PARG: variants seen among roughly 807,000 people sequenced by gnomAD.
The protein encoded by PARG is poly(ADP-ribose) glycohydrolase, also known as mitochondrial poly(ADP-ribose) glycohydrolase.
PARG carries 35 observed loss-of-function variants against 113.0 expected under a neutral mutation model. The ratio of observed to expected loss-of-function variants is 0.31; its 90% CI spans 0.24 to 0.41. The LOEUF is 0.41. Among genes scored for constraint, PARG ranks in the 10% least tolerant of loss-of-function variants. The pLI, the probability that PARG is intolerant of heterozygous loss-of-function variation, is 1.00. For synonymous variants in PARG, 330 were observed against 409.9 expected (o/e 0.81, Z 2.36); for missense variants, 797 against 1,169.4 (o/e 0.68, Z 4.64).
rs1432873745 is a variant in PARG at position 49,857,224 on chromosome 10, A to G, written c.2353+82T>C. 6 of 620,516 alleles carry G rather than the reference A, an allele frequency of 9.7e-6. No homozygotes were observed. In the African/African-American group the frequency reaches 1.1e-4, roughly 12 times the overall value. 38.4% of individuals were successfully genotyped at this position (620,516 alleles called of 1,614,324 possible). A position where few individuals can be genotyped will look rare whatever the true frequency, so the allele number is the denominator to read the frequency against. On this transcript the variant is annotated intron_variant, in intron 13 of 17. Transcript: ENST00000616448. ...CTGATGCCCATGGAAGATAAAAGCT[A>G]TACTGGGTAGTCTCTAGTCTTCATG...
intron 6 of PARG, among the ~76,000 whole-genome samples, chr10:49,920,497 T>TATAC (rs1420781831): frequency 7.8e-5 from 5 of 63,722 alleles, no homozygotes; most frequent in Non-Finnish European, 1.6e-4. Context: ...TATATATATA[T>TATAC]ACACACACAC....
chr10:49,862,861 T>G (rs183233015), intron 11 of PARG, among the ~76,000 whole-genome samples: 191 of 151,552 alleles, frequency 1.3e-3, no homozygotes, highest in African/African-American at 4.6e-3. Context: ...TGGTCCTACT[T>G]TCCTAGCCAT....
intron 10 of PARG, among the ~76,000 whole-genome samples, chr10:49,868,235 C>A (rs1296243783): frequency 6.6e-6 from 1 of 152,208 alleles, no homozygotes; most frequent in Non-Finnish European, 1.5e-5. Context: ...GATCCACCCA[C>A]CTTGGCCTCC....
chr10:49,860,003 G>A (rs1288773388), intron 12 of PARG, among the ~76,000 whole-genome samples: 3 of 152,114 alleles, frequency 2.0e-5, no homozygotes, highest in African/African-American at 7.2e-5. Context: ...TTGATGAAAA[G>A]ACAGGAATGA....
At position 49,865,448 on chromosome 10, in the gene PARG, C is replaced by A. The variant is rs1230580182; in HGVS notation, c.2069-67G>T. ...CAATTTTGAAAAGATTATACACACA[C>A]ACACACACACACACACACACACACA... On this transcript the variant is annotated intron_variant, in intron 10 of 17. Coordinates refer to ENST00000616448, the MANE Select transcript of PARG (RefSeq NM_003631.5). 2.1e-5 allele frequency: 10 copies of A among 479,718 alleles called. 1 individual carries two copies. The highest frequency in any genetic ancestry group is 3.5e-5 in the Non-Finnish European group (9 of 260,398). 29.7% of individuals were successfully genotyped at this position (479,718 alleles called of 1,614,324 possible). A position where few individuals can be genotyped will look rare whatever the true frequency, so the allele number is the denominator to read the frequency against.
At chr10:49,925,147 T>C (rs1333387834) in intron 4 of PARG, among the ~76,000 whole-genome samples, 2 of 151,890 alleles carry the variant, frequency 1.3e-5, no homozygotes, top group Non-Finnish European at 2.9e-5. Flanking sequence ...CATGGAAAAA[T>C]GGTCTTCCAT....
chr10:49,823,978 T>C (rs1844231293), intron 16 of PARG, among the ~76,000 whole-genome samples: 2 of 152,218 alleles, frequency 1.3e-5, no homozygotes, highest in South Asian at 2.1e-4. Context: ...TAGTTAGGAC[T>C]GGCAGGCAGG....
At chr10:49,827,108 C>A (rs1209607660) in intron 16 of PARG, among the ~76,000 whole-genome samples, 6 of 152,156 alleles carry the variant, frequency 3.9e-5, no homozygotes, top group Admixed American at 1.3e-4. Context: ...CAGAACTTTT[C>A]TGGTGGAAGG....
chr10:49,925,897 T>C (rs561647526), intron 4 of PARG, among the ~76,000 whole-genome samples: 15 of 152,274 alleles, frequency 9.9e-5, no homozygotes, highest in Non-Finnish European at 1.8e-4. Flanking sequence ...AGTGCCTCCT[T>C]GGCCAGTCGC....
chr10:49,820,754 G>A (rs1844034092), intron 16 of PARG, among the ~76,000 whole-genome samples: 1 of 151,560 alleles, frequency 6.6e-6, no homozygotes, highest in Non-Finnish European at 1.5e-5. Flanking sequence ...GGGAATACAG[G>A]ATGGACATAA....
At chr10:49,940,587 G>C (rs1324112008) in intron 1 of PARG, among the ~76,000 whole-genome samples, 2 of 151,814 alleles carry the variant, frequency 1.3e-5, no homozygotes, top group African/African-American at 4.8e-5. Context: ...GTGCCCTCTC[G>C]GCTCACTGCA....
chr10:49,840,865 A>C (rs1845196849), intron 15 of PARG, among the ~76,000 whole-genome samples: 1 of 152,234 alleles, frequency 6.6e-6, no homozygotes, highest in South Asian at 2.1e-4. Flanking sequence ...TTATCCTAAT[A>C]ATCTTATAAC....
chr10:49,839,783 T>C lies in PARG; in HGVS notation c.2541+2167A>G, dbSNP rs188787377. 9.2e-5 allele frequency among the ~76,000 whole-genome samples: 14 copies of C among 152,360 alleles called. No individual in the cohort carries two copies. The East Asian group carries it at 2.3e-3, about 25-fold the overall frequency. ...AGTATATGTGGGAGTATACAGTTCA[T>C]TCATAAAATAGTGAAGCTTTCAGTT... On this transcript the variant is annotated intron_variant, in intron 15 of 17. Transcript: ENST00000616448.
At chr10:49,824,142 A>G (rs531371373) in intron 16 of PARG, among the ~76,000 whole-genome samples, 1 of 152,340 alleles carries the variant, frequency 6.6e-6, no homozygotes, top group Admixed American at 6.5e-5. Context: ...AATCACTGTT[A>G]TAATTGTTTT....
In PARG at chr10:49,941,587, G is replaced by C; in HGVS notation, c.139C>G (p.Gln47Glu). ...GGCGAGGACGGTGGGACCCTGAACT[G>C]CACGTGAGCGTCCTTGGGGTCGAGG... ...RVLDPKDAHV[Q>E]FRVPPSSPAC... is the part of the protein sequence containing the mutation. The change falls in exon 1 of 18, where the codon CAG becomes GAG. Residue 47 changes from glutamine to glutamate, a missense_variant. Transcript: ENST00000616448. The C allele has an allele frequency of 6.4e-7, 1 of 1,568,414 alleles. No individual in the cohort carries two copies. Among genetic ancestry groups the C allele is most frequent in the Admixed American group, 1.9e-5 (1 of 53,702 alleles).
intron 9 of PARG, among the ~76,000 whole-genome samples, chr10:49,879,267 A>G (rs1456465968): frequency 6.6e-6 from 1 of 151,972 alleles, no homozygotes; most frequent in African/African-American, 2.4e-5. Context: ...ACCTTTGTAG[A>G]AAGGAGGACT....
At chr10:49,853,345 A>G (rs1845844547) in intron 13 of PARG, among the ~76,000 whole-genome samples, 1 of 151,830 alleles carries the variant, frequency 6.6e-6, no homozygotes, top group Non-Finnish European at 1.5e-5. Context: ...CGGAATAACA[A>G]TCTTTTAAAG....
chr10:49,890,572 C>G (rs1355252234), intron 7 of PARG, among the ~76,000 whole-genome samples: 1 of 152,152 alleles, frequency 6.6e-6, no homozygotes, highest in Non-Finnish European at 1.5e-5. Flanking sequence ...CTCCCTGTGA[C>G]CCCCAACACA....
chr10:49,838,427 G>A (rs189019417), intron 15 of PARG, among the ~76,000 whole-genome samples: 1,127 of 86,812 alleles, frequency 0.013, 26 homozygotes, highest in African/African-American at 0.048. Context: ...GTGAAACTCC[G>A]TCTCAAAAAA....
Sources: allele counts gnomAD v4.1 joint callset (sites outside exome capture counted in the v4.1 genomes callset), GRCh38; gene constraint gnomAD v4.1.1; transcripts MANE v1.5; gene names NCBI Gene and HGNC (gene_info 2026-07-23, HGNC 2026-07-21).